The following ZNF157 variants were observed in gnomAD, a reference collection of about 807,000 sequenced individuals.
The protein encoded by ZNF157 is zinc finger protein 157, also known as zinc finger protein 22.
ZNF157 carries 8 observed loss-of-function variants against 9.4 expected under a neutral mutation model. That is an observed-to-expected ratio of 0.85 (90% CI 0.50 to 1.53). The LOEUF is 1.53. ZNF157 is among the 40% of genes most tolerant of loss of function. The pLI is 0.00. For synonymous variants in ZNF157, 120 were observed against 130.8 expected, an observed-to-expected ratio of 0.92 and a Z score of 0.56; for missense variants, 316 against 385.2, an observed-to-expected ratio of 0.82 and a Z score of 1.50.
In ZNF157 at chrX:47,412,707, C is replaced by T. The variant is rs1428302368; in HGVS notation, c.634C>T (p.His212Tyr). 1 of 1,210,187 alleles carries T rather than the reference C, an allele frequency of 8.3e-7. No individual in the cohort carries two copies. Among genetic ancestry groups the T allele is most frequent in the Admixed American group, 2.2e-5 (1 of 45,637 alleles). The change falls in exon 4 of 4, where the codon CAC (histidine) becomes TAC (tyrosine). Residue 212 changes from histidine to tyrosine, a missense_variant. Physicochemically the swap from His to Tyr is moderately conservative, Grantham distance 83. This residue lies in a region of ZNF157 where 146 missense variants were observed against 183.8 expected (regional missense o/e 0.79). Coordinates refer to ENST00000377073, the MANE Select transcript of ZNF157 (RefSeq NM_003446.4). ...RSYLIAHQKT[H>Y]TGERPFECNE... ...ATACCTCATTGCTCATCAGAAAACT[C>T]ACACAGGGGAGAGGCCCTTTGAATG...
rs770521837 is a variant in ZNF157 at position 47,412,961 on chromosome X, T to C, written c.888T>C (p.His296=). 2.5e-6 allele frequency: 3 copies of C among 1,210,227 alleles called. No individual in the cohort carries two copies. Among genetic ancestry groups the C allele is most frequent in the Non-Finnish European group, 3.4e-6 (3 of 894,764 alleles). ...KISLTQHHRT[H]TGEKPYECGE... ...CCCTTACCCAACACCACAGAACTCATACAGGGGAGAAACCTTATGAATGTG... is the reference window on the plus strand; with the variant it reads ...CCCTTACCCAACACCACAGAACTCACACAGGGGAGAAACCTTATGAATGTG... The change falls in exon 4 of 4, where the codon CAT becomes CAC. Residue 296 remains histidine (H), a synonymous_variant. Coordinates refer to ENST00000377073, the MANE Select transcript of ZNF157 (RefSeq NM_003446.4).
intron 1 of ZNF157, among the ~76,000 whole-genome samples, chrX:47,383,050 CA>C (rs1333915901): frequency 9.1e-6 from 1 of 110,226 alleles, no homozygotes; most frequent in African/African-American, 3.3e-5. Context: ...AGTCTACCAG[CA>C]AAGTGGAAAT....
rs1464161815 is a variant in ZNF157 at position 47,412,498 on chromosome X, C to G, written c.425C>G (p.Ala142Gly). Residue 142 changes from alanine to glycine, a missense_variant, in exon 4 of 4, where the codon GCC (alanine) becomes GGC (glycine). Physicochemically the swap from Ala to Gly is moderately conservative, Grantham distance 60. Around this residue, in one of 3 missense-constraint regions of ZNF157, gnomAD observed 146 missense variants for 183.8 expected, o/e 0.79. Coordinates refer to ENST00000377073, the MANE Select transcript of ZNF157 (RefSeq NM_003446.4). ...QNVEYNGCRK[A>G]FHEKTGFVRR... is the part of the protein sequence containing the mutation. ...GTTGAATATAATGGATGCAGGAAAGCCTTCCATGAGAAAACAGGCTTTGTT... is the reference window on the plus strand; with the variant it reads ...GTTGAATATAATGGATGCAGGAAAGGCTTCCATGAGAAAACAGGCTTTGTT... The G allele has an allele frequency of 1.7e-6, 2 of 1,211,526 alleles. No individual in the cohort carries two copies. The highest frequency in any genetic ancestry group is 2.2e-6 in the Non-Finnish European group (2 of 895,276).
rs774092705 is a variant in ZNF157, at chrX:47,398,116, C to G, written c.73-12160C>G. Among the ~76,000 whole-genome samples the G allele has an allele frequency of 5.4e-5, 6 of 110,923 alleles. No homozygotes were observed. In the South Asian group the frequency reaches 2.3e-3, roughly 43 times the overall value. Reference sequence around the variant, plus strand: ...CTGGGTTCAAGTGACTCTCCTGCCTCAGCCTCCTGAGTAGCTGGGAGCCAT... The same window carrying G: ...CTGGGTTCAAGTGACTCTCCTGCCTGAGCCTCCTGAGTAGCTGGGAGCCAT... On this transcript the variant is annotated intron_variant, in intron 1 of 3. Coordinates refer to ENST00000377073, the MANE Select transcript of ZNF157 (RefSeq NM_003446.4).
chrX:47,382,257 G>A (rs182527354), intron 1 of ZNF157, among the ~76,000 whole-genome samples: 3 of 99,719 alleles, frequency 3.0e-5, no homozygotes, highest in African/African-American at 1.1e-4. Flanking sequence ...ATCAATTTAC[G>A]TTGCCAGGGT....
intron 1 of ZNF157, among the ~76,000 whole-genome samples, chrX:47,394,657 G>A (rs1047518601): frequency 3.6e-5 from 4 of 111,617 alleles, no homozygotes; most frequent in African/African-American, 1.3e-4. Context: ...CCAATATCAT[G>A]TTCCTCATTT....
intron 1 of ZNF157, among the ~76,000 whole-genome samples, chrX:47,397,662 G>A (rs1487385766): frequency 4.5e-5 from 5 of 111,420 alleles, no homozygotes; most frequent in Non-Finnish European, 9.4e-5. Context: ...TGATCTGCCC[G>A]CCTTGGCCTC....
Position 47,413,045 on chromosome X carries a change from C to T in ZNF157, c.972C>T (p.His324=). The change falls in exon 4 of 4, where the codon CAC becomes CAT. Residue 324 remains histidine, a synonymous_variant. Coordinates refer to ENST00000377073, the MANE Select transcript of ZNF157 (RefSeq NM_003446.4). ...CCCTAAATCAGCATCAAAGAATTCACACAGGTGAGAAACCCTATGAGTGTG... is the reference window on the plus strand; with the variant it reads ...CCCTAAATCAGCATCAAAGAATTCATACAGGTGAGAAACCCTATGAGTGTG... ...KKSLNQHQRI[H]TGEKPYECGE... 1 of 1,210,940 alleles carries T rather than the reference C, an allele frequency of 8.3e-7. No homozygotes were observed. The highest frequency in any genetic ancestry group is 1.1e-6 in the Non-Finnish European group (1 of 894,962).
chrX:47,379,853 T>C (rs1317830706), intron 1 of ZNF157, among the ~76,000 whole-genome samples: 2 of 109,287 alleles, frequency 1.8e-5, no homozygotes, highest in Non-Finnish European at 3.8e-5. Context: ...TGTGTGTATA[T>C]ATATTTCTAG....
chrX:47,381,890 G>A (rs150499538), intron 1 of ZNF157, among the ~76,000 whole-genome samples: 3,512 of 111,715 alleles, frequency 0.031, 150 homozygotes, highest in African/African-American at 0.11. Context: ...AGCGGAAAGA[G>A]TCAAATTCTG....
chrX:47,404,875 G>A (rs994046146), intron 1 of ZNF157, among the ~76,000 whole-genome samples: 9 of 110,268 alleles, frequency 8.2e-5, no homozygotes, highest in Non-Finnish European at 1.5e-4. Context: ...TATAAAGAAC[G>A]ACCTGGGTAG....
intron 1 of ZNF157, among the ~76,000 whole-genome samples, chrX:47,383,476 G>A (rs2055870361): frequency 9.7e-6 from 1 of 103,388 alleles, no homozygotes; most frequent in Admixed American, 1.1e-4. Flanking sequence ...CAGGTGGATC[G>A]TTTGAGCCCA....
At chrX:47,386,615 A>G (rs2055880270) in intron 1 of ZNF157, among the ~76,000 whole-genome samples, 2 of 109,518 alleles carry the variant, frequency 1.8e-5, no homozygotes, top group Non-Finnish European at 3.8e-5. Context: ...GTGCACCATC[A>G]CACCCGGCTA....
intron 1 of ZNF157, among the ~76,000 whole-genome samples, chrX:47,380,531 T>TC (rs200665690): frequency 0.011 from 1,222 of 110,572 alleles, 23 homozygotes; most frequent in African/African-American, 0.037. Flanking sequence ...GAGGAGTTTT[T>TC]CCCTTACCAG....
chrX:47,412,927 T>A lies in ZNF157; in HGVS notation c.854T>A (p.Val285Glu). 8.3e-7 allele frequency: 1 copy of A among 1,211,080 alleles called. No homozygotes were observed. The highest frequency in any genetic ancestry group is 1.1e-6 in the Non-Finnish European group (1 of 895,107). The change falls in exon 4 of 4, where the codon GTA (valine) becomes GAA (glutamate). Residue 285 changes from valine to glutamate, a missense_variant. By Grantham distance (121) the Val-to-Glu change is moderately radical (BLOSUM62 -2). Around this residue, in one of 3 missense-constraint regions of ZNF157, gnomAD observed 167 missense variants for 183.6 expected, o/e 0.91. Coordinates refer to ENST00000377073, the MANE Select transcript of ZNF157 (RefSeq NM_003446.4). ...ECSECGKTFR[V>E]KISLTQHHRT... Reference sequence around the variant, plus strand: ...AGTGAATGTGGGAAAACATTTCGTGTAAAGATATCCCTTACCCAACACCAC... The same window carrying A: ...AGTGAATGTGGGAAAACATTTCGTGAAAAGATATCCCTTACCCAACACCAC...
At chrX:47,384,712 T>C (rs1176936733) in intron 1 of ZNF157, among the ~76,000 whole-genome samples, 1 of 112,641 alleles carries the variant, frequency 8.9e-6, no homozygotes, top group East Asian at 2.8e-4. Context: ...GAGCGCCTCC[T>C]AGTGGTAACC....
intron 1 of ZNF157, among the ~76,000 whole-genome samples, chrX:47,384,734 A>G (rs925840522): frequency 2.7e-5 from 3 of 112,451 alleles, no homozygotes; most frequent in Non-Finnish European, 5.6e-5. Flanking sequence ...GGGACTTTGG[A>G]CTAGAGAATT....
intron 1 of ZNF157, among the ~76,000 whole-genome samples, chrX:47,402,070 A>G (rs1384448164): frequency 9.0e-6 from 1 of 111,630 alleles, no homozygotes; most frequent in Non-Finnish European, 1.9e-5. Flanking sequence ...TGTTGAAATT[A>G]GGTATATAAA....
intron 1 of ZNF157, among the ~76,000 whole-genome samples, chrX:47,402,334 A>T (rs1734699480): frequency 9.0e-6 from 1 of 110,805 alleles, no homozygotes; most frequent in Non-Finnish European, 1.9e-5. Context: ...ATGATCAGGG[A>T]TCCAAAAGAT....
Sources: allele counts gnomAD v4.1 joint callset (sites outside exome capture counted in the v4.1 genomes callset), GRCh38; gene constraint gnomAD v4.1.1; regional missense constraint gnomAD v4.1.1; transcripts MANE v1.5; gene names NCBI Gene and HGNC (gene_info 2026-07-23, HGNC 2026-07-21).